SHISA9: variants seen among roughly 807,000 people sequenced by gnomAD.
The protein encoded by SHISA9 is protein shisa-9.
Under a neutral mutation model 38.0 loss-of-function variants are expected in SHISA9, and 13 were observed. The ratio of observed to expected loss-of-function variants is 0.34; its 90% CI spans 0.22 to 0.54. The LOEUF (loss-of-function observed/expected upper bound fraction) is 0.54, where lower values mean the gene tolerates loss of function less well. Ranked by LOEUF, SHISA9 falls within the 20% of genes least tolerant of loss-of-function variation. The probability of loss-of-function intolerance (pLI) is 0.91; values close to 1 mark genes in which losing one functional copy is unlikely to be tolerated. For missense variants in SHISA9, 538 were observed against 575.8 expected, an observed-to-expected ratio of 0.93 and a Z score of 0.67; for synonymous variants, 275 against 242.0, an observed-to-expected ratio of 1.14 and a Z score of -1.27.
At chr16:13,281,730 A>T in the SHISA9 span, among the ~76,000 whole-genome samples, 1,441 of 151,650 alleles carry the variant, frequency 9.5e-3, 27 homozygotes, top group African/African-American at 0.033. Flanking sequence ...ATGGAATCAT[A>T]TTGTACTTTT....
intron 2 of SHISA9, 155 bp from the exon 3 acceptor site, chr16:13,203,239 A>G (rs4781429): frequency 0.45 from 264,602 of 584,608 alleles, 62,494 homozygotes; most frequent in African/African-American, 0.72. Flanking sequence ...TATGAACTCA[A>G]TTGTGTCCCA....
the SHISA9 span, among the ~76,000 whole-genome samples, chr16:13,557,707 T>C: frequency 6.6e-6 from 1 of 152,124 alleles, no homozygotes. Flanking sequence ...TCAAGGACTT[T>C]TGCAACAAGA....
rs533513839 is a variant in SHISA9, at chr16:12,995,107, T to C, written c.691+78292T>C. On this transcript the variant is annotated intron_variant, in intron 2 of 4. Transcript: ENST00000558583. ...TAAACTTTTACTTTTTATGGGTACA[T>C]AGTAGGTGTCTATATTTATGGGGTA... Among the ~76,000 whole-genome samples the C allele has an allele frequency of 3.9e-5, 6 of 152,218 alleles. No homozygotes were observed. In the East Asian group the frequency reaches 9.7e-4, roughly 24 times the overall value.
At chr16:13,366,334 A>C in the SHISA9 span, among the ~76,000 whole-genome samples, 1 of 152,250 alleles carries the variant, frequency 6.6e-6, no homozygotes, top group Non-Finnish European at 1.5e-5. Flanking sequence ...GGACACAGCT[A>C]TCTAAAAAGA....
chr16:13,400,684 A>G, the SHISA9 span, among the ~76,000 whole-genome samples: 26,430 of 152,084 alleles, frequency 0.17, 2,383 homozygotes, highest in East Asian at 0.23. Flanking sequence ...ATTCATTCCA[A>G]TAACCCTGAC....
the SHISA9 span, among the ~76,000 whole-genome samples, chr16:13,463,359 G>A: frequency 6.6e-6 from 1 of 152,304 alleles, no homozygotes; most frequent in East Asian, 1.9e-4. Context: ...GCGTGCAGGT[G>A]GAATCAGCAG....
downstream of SHISA9, among the ~76,000 whole-genome samples, chr16:13,244,689 G>A (rs67981434): frequency 0.14 from 20,945 of 152,164 alleles, 1,636 homozygotes; most frequent in Middle Eastern, 0.22. Context: ...TGAGGTTTCC[G>A]ACTACATGGG....
the SHISA9 span, among the ~76,000 whole-genome samples, chr16:13,360,639 C>G: frequency 6.6e-6 from 1 of 152,172 alleles, no homozygotes; most frequent in East Asian, 1.9e-4. Context: ...TTATAAATTA[C>G]CCAGTCTCGG....
At chr16:13,378,329 T>G in the SHISA9 span, among the ~76,000 whole-genome samples, 1 of 152,196 alleles carries the variant, frequency 6.6e-6, no homozygotes, top group South Asian at 2.1e-4. Flanking sequence ...GTGTTGGTTT[T>G]ATTCTTAGGC....
At chr16:13,521,817 A>C in the SHISA9 span, among the ~76,000 whole-genome samples, 11 of 152,218 alleles carry the variant, frequency 7.2e-5, no homozygotes, top group Non-Finnish European at 1.5e-4. Flanking sequence ...TATTAGGATA[A>C]GTCACCAAAA....
chr16:13,358,174 G>A, the SHISA9 span, among the ~76,000 whole-genome samples: 1 of 152,100 alleles, frequency 6.6e-6, no homozygotes, highest in Non-Finnish European at 1.5e-5. Flanking sequence ...AGCTATGATT[G>A]GTAGTGACTA....
chr16:12,916,158 C>G (rs905735050), intron 1 of SHISA9, among the ~76,000 whole-genome samples: 7 of 152,100 alleles, frequency 4.6e-5, no homozygotes, highest in African/African-American at 1.4e-4. Context: ...TGACCTTGAG[C>G]AGGTCGATTC....
the SHISA9 span, among the ~76,000 whole-genome samples, chr16:13,402,721 C>T: frequency 7.8e-4 from 118 of 152,146 alleles, no homozygotes; most frequent in Non-Finnish European, 1.5e-3. Context: ...CATCACACCC[C>T]GCTAGACGAA....
At chr16:12,944,598 G>A (rs117474770) in intron 2 of SHISA9, among the ~76,000 whole-genome samples, 1,537 of 152,266 alleles carry the variant, frequency 0.01, 8 homozygotes, top group South Asian at 0.029. Flanking sequence ...CAGGCATAGA[G>A]GTTTGAAGGA....
At chr16:13,450,535 C>A in the SHISA9 span, among the ~76,000 whole-genome samples, 1 of 152,140 alleles carries the variant, frequency 6.6e-6, no homozygotes, top group Non-Finnish European at 1.5e-5. Context: ...GTAGAACTTG[C>A]TGCTATTTCA....
chr16:13,308,716 G>A, the SHISA9 span, among the ~76,000 whole-genome samples: 1 of 152,186 alleles, frequency 6.6e-6, no homozygotes, highest in Non-Finnish European at 1.5e-5. Flanking sequence ...TTATGTTGTT[G>A]TCATCCATTG....
the SHISA9 span, among the ~76,000 whole-genome samples, chr16:13,489,811 C>A: frequency 6.6e-6 from 1 of 152,180 alleles, no homozygotes; most frequent in African/African-American, 2.4e-5. Flanking sequence ...ATCTTCATTA[C>A]ATAAATGGGG....
chr16:13,252,864 A>G, the SHISA9 span, among the ~76,000 whole-genome samples: 2 of 152,164 alleles, frequency 1.3e-5, no homozygotes, highest in South Asian at 2.1e-4. Flanking sequence ...ATGAAAGGAA[A>G]TACAGTTGAC....
At chr16:13,049,619 AT>A (rs1320542045) in intron 2 of SHISA9, among the ~76,000 whole-genome samples, 2 of 152,096 alleles carry the variant, frequency 1.3e-5, no homozygotes, top group African/African-American at 4.8e-5. Flanking sequence ...TGACAGCATG[AT>A]TTTTTTTCTC....
Sources: allele counts gnomAD v4.1 joint callset (sites outside exome capture counted in the v4.1 genomes callset), GRCh38; gene constraint gnomAD v4.1.1; transcripts MANE v1.5; gene names NCBI Gene and HGNC (gene_info 2026-07-23, HGNC 2026-07-21).